Variants in ATP8A1 observed in about 807,000 individuals in gnomAD.
The protein encoded by ATP8A1 is ATPase phospholipid transporting 8A1.
In ATP8A1, 90 loss-of-function variants were observed where a neutral mutation model predicts 177.7. The ratio of observed to expected loss-of-function variants is 0.51; its 90% CI spans 0.43 to 0.60. ATP8A1 has a LOEUF of 0.60. Ranked by LOEUF, ATP8A1 falls within the 20% of genes least tolerant of loss-of-function variation. The pLI is 0.00. For synonymous variants in ATP8A1, 493 were observed against 485.9 expected, an observed-to-expected ratio of 1.01 and a Z score of -0.19; for missense variants, 1,072 against 1,392.8, an observed-to-expected ratio of 0.77 and a Z score of 3.67.
At chr4:42,467,016 A>T (rs1719843920) in intron 25 of ATP8A1, among the ~76,000 whole-genome samples, 1 of 152,258 alleles carries the variant, frequency 6.6e-6, no homozygotes, top group South Asian at 2.1e-4. Flanking sequence ...ATGAAGTTAC[A>T]CCAAGGGTTC....
chr4:42,479,159 A>C (rs1275793104), intron 25 of ATP8A1, among the ~76,000 whole-genome samples: 1 of 152,170 alleles, frequency 6.6e-6, no homozygotes, highest in African/African-American at 2.4e-5. Context: ...TGTTACTTAT[A>C]GTCTTATTGG....
chr4:42,570,173 C>T (rs1731762554), intron 14 of ATP8A1, among the ~76,000 whole-genome samples: 1 of 152,214 alleles, frequency 6.6e-6, no homozygotes, highest in African/African-American at 2.4e-5. Context: ...GGCACCTCTT[C>T]CACTACCAAA....
rs537408759 is a variant in ATP8A1, at chr4:42,478,868, T to C, written c.2324+6628A>G. On this transcript the variant is annotated intron_variant, in intron 25 of 36. Transcript: ENST00000381668. ...GTTCTGATGGCATGGATAAGTTTAA[T>C]GGAGCCACCAGATTGTGCAGCTGGC... 4.6e-5 allele frequency among the ~76,000 whole-genome samples: 7 copies of C among 152,370 alleles called. No individual in the cohort carries two copies. In the East Asian group the frequency reaches 1.3e-3, roughly 29 times the overall value.
intron 33 of ATP8A1, among the ~76,000 whole-genome samples, chr4:42,431,639 T>C (rs577051865): frequency 1.3e-5 from 2 of 152,344 alleles, no homozygotes; most frequent in South Asian, 4.1e-4. Flanking sequence ...AAATCCATTA[T>C]GTATTTCCTA....
Position 42,627,052 on chromosome 4 carries a change from A to G in ATP8A1, c.107T>C (p.Val36Ala). 1 of 1,614,134 alleles carries G rather than the reference A, an allele frequency of 6.2e-7. No homozygotes were observed. The highest frequency in any genetic ancestry group is 8.5e-7 in the Non-Finnish European group (1 of 1,179,982). ...GGGCTGGTTGATGAAAATAGTCCTTACTTCCTCCTGGTCAGCCAGTGAGGT... is the reference window on the plus strand; with the variant it reads ...GGGCTGGTTGATGAAAATAGTCCTTGCTTCCTCCTGGTCAGCCAGTGAGGT... ...EKTSLADQEEVRTIFINQPQL... is the reference protein window; with the variant it reads ...EKTSLADQEEARTIFINQPQL... The change falls in exon 2 of 37, where the codon GTA (valine) becomes GCA (alanine). Residue 36 changes from valine (V) to alanine (A), a missense_variant. Val to Ala is a moderately conservative substitution (Grantham distance 64). Around this residue, in one of 5 missense-constraint regions of ATP8A1, gnomAD observed 344 missense variants for 393.5 expected, o/e 0.87. Transcript: ENST00000381668.
intron 15 of ATP8A1, among the ~76,000 whole-genome samples, chr4:42,565,965 T>C (rs558862840): frequency 1.3e-5 from 2 of 152,234 alleles, no homozygotes; most frequent in African/African-American, 4.8e-5. Flanking sequence ...TGAGGTTATA[T>C]GCTAGCTGAT....
At chr4:42,420,791 CAG>C (rs1713819671) in intron 35 of ATP8A1, among the ~76,000 whole-genome samples, 7 of 135,652 alleles carry the variant, frequency 5.2e-5, no homozygotes, top group Non-Finnish European at 9.2e-5. Flanking sequence ...TTTTTTGAGA[CAG>C]AGTCTCGCTC....
At chr4:42,427,612 C>T (rs970255129) in intron 33 of ATP8A1, among the ~76,000 whole-genome samples, 4 of 152,182 alleles carry the variant, frequency 2.6e-5, no homozygotes, top group African/African-American at 9.6e-5. Context: ...CCTTTTAATT[C>T]GATAATTCAA....
chr4:42,460,623 G>C (rs1384048671), intron 27 of ATP8A1, among the ~76,000 whole-genome samples: 1 of 152,124 alleles, frequency 6.6e-6, no homozygotes, highest in Non-Finnish European at 1.5e-5. Context: ...TCCCGACCTT[G>C]TGATCTGCCC....
At chr4:42,420,566 T>C (rs1713788145) in intron 35 of ATP8A1, among the ~76,000 whole-genome samples, 1 of 152,120 alleles carries the variant, frequency 6.6e-6, no homozygotes, top group Non-Finnish European at 1.5e-5. Context: ...TGGGGGTCAT[T>C]ACACTGGCCT....
chr4:42,440,108 C>T (rs1216302103), intron 33 of ATP8A1, among the ~76,000 whole-genome samples: 1 of 152,172 alleles, frequency 6.6e-6, no homozygotes, highest in Non-Finnish European at 1.5e-5. Context: ...CCTGACTTCT[C>T]CTCTGTCTCC....
In ATP8A1 at chr4:42,413,300, A is replaced by T. The variant is rs533243090; in HGVS notation, c.3398-287T>A. Among the ~76,000 whole-genome samples the T allele has an allele frequency of 3.3e-5, 5 of 152,132 alleles. No homozygotes were observed. In the East Asian group the frequency reaches 9.7e-4, roughly 29 times the overall value. ...TCCTCTGTCCCGTAAGTCAACTCCA[A>T]CTCTTCTAATTTTTGCTTCCCCAAT... On this transcript the variant is annotated intron_variant, in intron 36 of 36. Transcript: ENST00000381668.
chr4:42,451,778 G>C (rs1717956016), intron 30 of ATP8A1, among the ~76,000 whole-genome samples: 1 of 152,178 alleles, frequency 6.6e-6, no homozygotes, highest in Non-Finnish European at 1.5e-5. Context: ...AAAGAAGAAA[G>C]GCTTTGCATA....
intron 4 of ATP8A1, among the ~76,000 whole-genome samples, chr4:42,622,823 A>G: frequency 6.6e-6 from 1 of 152,176 alleles, no homozygotes; most frequent in Non-Finnish European, 1.5e-5. Flanking sequence ...CAGCCTGACC[A>G]ACATGAAGAA....
chr4:42,536,670 G>A (rs767588851), intron 20 of ATP8A1, among the ~76,000 whole-genome samples: 7 of 152,176 alleles, frequency 4.6e-5, no homozygotes, highest in Non-Finnish European at 1.0e-4. Context: ...CGATATCCCT[G>A]ATGAACATAC....
At chr4:42,594,635 C>T (rs1042376223) in intron 6 of ATP8A1, among the ~76,000 whole-genome samples, 5 of 152,006 alleles carry the variant, frequency 3.3e-5, no homozygotes, top group African/African-American at 1.2e-4. Context: ...TTCTCATATC[C>T]TCTCTGACAT....
In ATP8A1 at chr4:42,485,606, ATTCTCT is replaced by A; in HGVS notation, c.2208_2213del (p.Lys736_Glu737del). ...TCCCATCAATTATAAGAGCAAAATC[ATTCTCT>A]TTCCGGAGAGCATCACCAAGGGTAG... On this transcript the variant is annotated inframe_deletion, in exon 25 of 37. Transcript: ENST00000381668. 6.2e-7 allele frequency: 1 copy of A among 1,613,666 alleles called. No homozygotes were observed. Among genetic ancestry groups the A allele is most frequent in the Non-Finnish European group, 8.5e-7 (1 of 1,179,654 alleles).
At chr4:42,426,745 T>G (rs972273056) in intron 33 of ATP8A1, among the ~76,000 whole-genome samples, 1 of 152,254 alleles carries the variant, frequency 6.6e-6, no homozygotes, top group African/African-American at 2.4e-5. Context: ...AAATTAACTG[T>G]AAATCAATTT....
At chr4:42,641,989 G>GTT (rs1318348850) in intron 1 of ATP8A1, among the ~76,000 whole-genome samples, 2 of 146,014 alleles carry the variant, frequency 1.4e-5, no homozygotes, top group African/African-American at 5.0e-5. Context: ...ACTCACCTTT[G>GTT]TTTTTTTTTT....
Sources: allele counts gnomAD v4.1 joint callset (sites outside exome capture counted in the v4.1 genomes callset), GRCh38; gene constraint gnomAD v4.1.1; regional missense constraint gnomAD v4.1.1; transcripts MANE v1.5; gene names NCBI Gene and HGNC (gene_info 2026-07-23, HGNC 2026-07-21).